Variants in GUCY1A2 observed in about 807,000 individuals in gnomAD.
GUCY1A2 encodes the protein guanylate cyclase 1 soluble subunit alpha 2.
A neutral mutation model predicts 63.5 loss-of-function variants in GUCY1A2; 27 were observed. The observed-to-expected ratio is 0.43, with a 90% CI of 0.31 to 0.59. GUCY1A2 has a LOEUF of 0.59. GUCY1A2 is among the 20% of genes least tolerant of loss of function. The pLI is 0.11. For synonymous variants in GUCY1A2, 364 were observed against 343.5 expected (o/e 1.06, Z -0.66); for missense variants, 768 against 913.3 (o/e 0.84, Z 2.05).
intron 6 of GUCY1A2, among the ~76,000 whole-genome samples, chr11:106,715,680 T>G (rs1364828252): frequency 6.6e-6 from 1 of 152,164 alleles, no homozygotes; most frequent in African/African-American, 2.4e-5. Context: ...CACTAAATAT[T>G]TCCTGACTGC....
At chr11:106,798,153 A>G (rs61905195) in intron 5 of GUCY1A2, among the ~76,000 whole-genome samples, 3,422 of 152,286 alleles carry the variant, frequency 0.022, 60 homozygotes, top group Middle Eastern at 0.054. Context: ...CAAATAAACT[A>G]GAAAATCTAG....
chr11:106,993,057 C>T (rs1861491283), intron 1 of GUCY1A2, among the ~76,000 whole-genome samples: 1 of 152,198 alleles, frequency 6.6e-6, no homozygotes, highest in African/African-American at 2.4e-5. Context: ...TCCCTCAAAA[C>T]CTCAAGCCTG....
intron 1 of GUCY1A2, among the ~76,000 whole-genome samples, chr11:106,997,192 TTA>T (rs1861550800): frequency 6.6e-6 from 1 of 152,204 alleles, no homozygotes; most frequent in South Asian, 2.1e-4. Context: ...TATGCATAGT[TTA>T]TATACAATAT....
At chr11:106,709,307 T>TTA (rs1194728780) in intron 6 of GUCY1A2, among the ~76,000 whole-genome samples, 5 of 67,518 alleles carry the variant, frequency 7.4e-5, no homozygotes, top group Non-Finnish European at 1.2e-4. Context: ...ATTTTTATAT[T>TTA]TATATATATT....
At chr11:106,902,324 G>A (rs564449446) in intron 4 of GUCY1A2, among the ~76,000 whole-genome samples, 1 of 152,260 alleles carries the variant, frequency 6.6e-6, no homozygotes, top group African/African-American at 2.4e-5. Flanking sequence ...TTATAGTAGA[G>A]GTAGAATAGA....
intron 4 of GUCY1A2, among the ~76,000 whole-genome samples, chr11:106,898,414 T>C (rs1314186388): frequency 6.6e-6 from 1 of 152,210 alleles, no homozygotes; most frequent in African/African-American, 2.4e-5. Context: ...ATAGCAGGTT[T>C]ATTCATAATT....
chr11:106,800,293 C>G (rs1864850171), intron 5 of GUCY1A2, among the ~76,000 whole-genome samples: 1 of 152,152 alleles, frequency 6.6e-6, no homozygotes, highest in Non-Finnish European at 1.5e-5. Context: ...GTTGGTGGGA[C>G]TGTAAACTAG....
At chr11:106,815,918 A>C (rs1324527959) in intron 4 of GUCY1A2, among the ~76,000 whole-genome samples, 1 of 151,940 alleles carries the variant, frequency 6.6e-6, no homozygotes, top group African/African-American at 2.4e-5. Flanking sequence ...AGAAGCAAGA[A>C]ATGGATTCTA....
intron 1 of GUCY1A2, among the ~76,000 whole-genome samples, chr11:107,013,674 AG>A (rs2120217493): frequency 6.6e-6 from 1 of 152,178 alleles, no homozygotes; most frequent in Admixed American, 6.5e-5. Context: ...CAGCCTCCCA[AG>A]TAGCTGGGAT....
chr11:106,911,134 A>T (rs904240036), intron 4 of GUCY1A2, among the ~76,000 whole-genome samples: 1 of 152,046 alleles, frequency 6.6e-6, no homozygotes, highest in South Asian at 2.1e-4. Context: ...ACAAACTCTT[A>T]GGAAAAATGG....
chr11:106,698,387 G>A (rs549686548), intron 7 of GUCY1A2, among the ~76,000 whole-genome samples: 29 of 151,752 alleles, frequency 1.9e-4, no homozygotes, highest in African/African-American at 6.8e-4. Flanking sequence ...CTCCCAAAAT[G>A]CTAGGATTGC....
intron 6 of GUCY1A2, among the ~76,000 whole-genome samples, chr11:106,744,232 T>A (rs1863747102): frequency 1.4e-5 from 2 of 147,514 alleles, no homozygotes; most frequent in African/African-American, 5.0e-5. Context: ...TCATCAATCA[T>A]CAACATAAAT....
chr11:106,717,332 G>T (rs548702556), intron 6 of GUCY1A2, among the ~76,000 whole-genome samples: 81 of 152,270 alleles, frequency 5.3e-4, no homozygotes, highest in Middle Eastern at 3.4e-3. Context: ...GCCCATAGTA[G>T]ACATTCGAAA....
chr11:106,966,177 G>A (rs1331807570), intron 3 of GUCY1A2, among the ~76,000 whole-genome samples: 4 of 151,774 alleles, frequency 2.6e-5, no homozygotes, highest in Non-Finnish European at 5.9e-5. Flanking sequence ...GCACCATGTC[G>A]GCTCACTACA....
At chr11:106,855,506 A>G (rs1261893755) in intron 4 of GUCY1A2, among the ~76,000 whole-genome samples, 2 of 151,934 alleles carry the variant, frequency 1.3e-5, no homozygotes, top group African/African-American at 4.8e-5. Context: ...TGACTGCGGG[A>G]TACTTCTAGT....
chr11:106,943,716 T>C (rs1860783320), intron 3 of GUCY1A2, among the ~76,000 whole-genome samples: 1 of 152,176 alleles, frequency 6.6e-6, no homozygotes, highest in African/African-American at 2.4e-5. Context: ...ACTAACCTTT[T>C]AAGGTTGCAC....
At chr11:106,837,351 T>C (rs1420572533) in intron 4 of GUCY1A2, among the ~76,000 whole-genome samples, 2 of 152,088 alleles carry the variant, frequency 1.3e-5, no homozygotes, top group Non-Finnish European at 2.9e-5. Flanking sequence ...CTGCATAGTA[T>C]TCCATGGTGT....
chr11:106,873,267 T>C (rs925840815), intron 4 of GUCY1A2, among the ~76,000 whole-genome samples: 1 of 152,202 alleles, frequency 6.6e-6, no homozygotes, highest in Non-Finnish European at 1.5e-5. Flanking sequence ...TGATTTATAT[T>C]CCTTTGGGTA....
At chr11:106,770,302 T>C (rs1864234017) in intron 6 of GUCY1A2, among the ~76,000 whole-genome samples, 1 of 152,162 alleles carries the variant, frequency 6.6e-6, no homozygotes, top group South Asian at 2.1e-4. Flanking sequence ...TGTTAGGCTG[T>C]ATTATTTAGA....
Sources: gnomAD v4.1 joint callset for allele counts (sites outside exome capture counted in the v4.1 genomes callset) on GRCh38, gnomAD v4.1.1 for gene constraint, MANE v1.5 for transcripts, NCBI Gene and HGNC (gene_info 2026-07-23, HGNC 2026-07-21) for gene names.